The following FHIT variants were observed in gnomAD, a reference collection of about 807,000 sequenced individuals.
The protein encoded by FHIT is fragile histidine triad diadenosine triphosphatase.
In FHIT, 19 loss-of-function variants were observed where a neutral mutation model predicts 17.9. The ratio of observed to expected loss-of-function variants is 1.06; its 90% confidence interval spans 0.74 to 1.56. FHIT has a LOEUF of 1.56. FHIT is among the 40% of genes most tolerant of loss of function. The pLI is 0.00. For synonymous variants in FHIT, 81 were observed against 69.7 expected (o/e 1.16, Z -0.81); for missense variants, 248 against 189.2 (o/e 1.31, Z -1.82).
intron 3 of FHIT, among the ~76,000 whole-genome samples, chr3:61,026,206 T>C (rs913384937): frequency 6.6e-6 from 1 of 151,952 alleles, no homozygotes; most frequent in African/African-American, 2.4e-5. Context: ...AGAGGAGAAA[T>C]ATGGTAAAGG....
At chr3:61,149,899 T>G (rs1012833591) in intron 2 of FHIT, among the ~76,000 whole-genome samples, 2 of 152,062 alleles carry the variant, frequency 1.3e-5, no homozygotes, top group African/African-American at 4.8e-5. Context: ...AATGCTAAAC[T>G]GGACAAGATG....
intron 3 of FHIT, among the ~76,000 whole-genome samples, chr3:60,862,613 G>T (rs1356517176): frequency 6.6e-6 from 1 of 152,172 alleles, no homozygotes; most frequent in Admixed American, 6.5e-5. Context: ...ACTTTGGGAG[G>T]CTGAGGCAGG....
intron 2 of FHIT, among the ~76,000 whole-genome samples, chr3:61,144,812 A>G (rs1202200027): frequency 6.6e-6 from 1 of 152,200 alleles, no homozygotes; most frequent in Non-Finnish European, 1.5e-5. Flanking sequence ...GATACTAAGC[A>G]TCTCTTCGTG....
intron 8 of FHIT, among the ~76,000 whole-genome samples, chr3:59,780,461 G>A (rs1702529874): frequency 6.6e-6 from 1 of 152,194 alleles, no homozygotes; most frequent in South Asian, 2.1e-4. Flanking sequence ...AGAGCACACT[G>A]GCTCTACCTT....
At chr3:59,996,545 A>G (rs986560756) in intron 7 of FHIT, among the ~76,000 whole-genome samples, 1 of 152,082 alleles carries the variant, frequency 6.6e-6, no homozygotes, top group Non-Finnish European at 1.5e-5. Flanking sequence ...GAAAGATTCT[A>G]TGGTCCTCCC....
At chr3:60,225,129 C>T (rs910332866) in intron 5 of FHIT, among the ~76,000 whole-genome samples, 2 of 152,126 alleles carry the variant, frequency 1.3e-5, no homozygotes, top group Non-Finnish European at 1.5e-5. Context: ...ATTTTGTGTT[C>T]GTCTCTCTTA....
intron 1 of FHIT, among the ~76,000 whole-genome samples, chr3:61,203,179 C>CA (rs397876939): frequency 0.49 from 42,077 of 86,150 alleles, 11,884 homozygotes; most frequent in Middle Eastern, 0.64. Context: ...GACTCCGTCT[C>CA]AAAAAAAAAA....
At chr3:60,469,229 C>A (rs959952126) in intron 5 of FHIT, among the ~76,000 whole-genome samples, 5 of 152,024 alleles carry the variant, frequency 3.3e-5, no homozygotes, top group African/African-American at 1.2e-4. Flanking sequence ...TTCTGTTATC[C>A]CTTTGAATTA....
At chr3:60,817,990 G>T (rs1392395348) in intron 4 of FHIT, among the ~76,000 whole-genome samples, 2 of 151,776 alleles carry the variant, frequency 1.3e-5, no homozygotes, top group African/African-American at 4.8e-5. Flanking sequence ...AATTTCTATG[G>T]ATCTATCTTT....
chr3:60,772,605 A>T (rs900898921), intron 4 of FHIT, among the ~76,000 whole-genome samples: 5 of 152,016 alleles, frequency 3.3e-5, no homozygotes, highest in Non-Finnish European at 5.9e-5. Flanking sequence ...AATGATAATA[A>T]CCCTTCCCCC....
At chr3:60,293,195 G>A (rs929703188) in intron 5 of FHIT, among the ~76,000 whole-genome samples, 4 of 152,080 alleles carry the variant, frequency 2.6e-5, no homozygotes, top group African/African-American at 7.2e-5. Flanking sequence ...AAGAAGAGGA[G>A]CCTAAATATG....
chr3:60,502,182 C>T (rs181289072), intron 5 of FHIT, among the ~76,000 whole-genome samples: 5 of 152,128 alleles, frequency 3.3e-5, no homozygotes, highest in Non-Finnish European at 7.3e-5. Flanking sequence ...CAGTTAAGAC[C>T]TAAGATCTTA....
chr3:59,874,659 C>T (rs1703072214), intron 8 of FHIT, among the ~76,000 whole-genome samples: 1 of 131,904 alleles, frequency 7.6e-6, no homozygotes. Context: ...CGGCTGCTTG[C>T]TTAGGTTTTG....
intron 8 of FHIT, among the ~76,000 whole-genome samples, chr3:59,814,129 C>G (rs898150539): frequency 2.6e-5 from 4 of 151,792 alleles, no homozygotes; most frequent in African/African-American, 9.7e-5. Flanking sequence ...GCAAATTAAA[C>G]AAGGAGGATT....
intron 4 of FHIT, among the ~76,000 whole-genome samples, chr3:60,540,671 A>T (rs1322430705): frequency 2.0e-5 from 3 of 152,024 alleles, no homozygotes; most frequent in Admixed American, 2.0e-4. Flanking sequence ...TTTTTTCCTT[A>T]TTTTATATAG....
intron 5 of FHIT, among the ~76,000 whole-genome samples, chr3:60,407,401 C>G (rs1701906528): frequency 6.6e-6 from 1 of 152,056 alleles, no homozygotes; most frequent in East Asian, 1.9e-4. Context: ...TTTTAATCCC[C>G]TGAGATTTAT....
At position 60,886,986 on chromosome 3, in the gene FHIT, C is replaced by T. The variant is rs538820898; in HGVS notation, c.-110-64975G>A. Among the ~76,000 whole-genome samples the T allele has an allele frequency of 2.6e-5, 4 of 152,304 alleles. No homozygotes were observed. The South Asian group carries it at 8.3e-4, about 32-fold the overall frequency. On this transcript the variant is annotated intron_variant, in intron 3 of 9. Coordinates refer to ENST00000492590, the MANE Select transcript of FHIT (RefSeq NM_002012.4). ...ATTAGATCTATAATCTCACAGCAAA[C>T]TTCATTTGACTATATTTGCAAATGT...
chr3:60,812,881 G>T (rs1226067701), intron 4 of FHIT, among the ~76,000 whole-genome samples: 2 of 152,108 alleles, frequency 1.3e-5, no homozygotes, highest in African/African-American at 4.8e-5. Context: ...AACATAGTAT[G>T]AACCTCTTAG....
intron 4 of FHIT, among the ~76,000 whole-genome samples, chr3:60,776,762 G>A (rs1373674164): frequency 2.0e-5 from 3 of 152,222 alleles, no homozygotes; most frequent in Admixed American, 2.0e-4. Flanking sequence ...CAAGGTGTAT[G>A]AGAACAGTAA....
Sources: allele counts gnomAD v4.1 joint callset (sites outside exome capture counted in the v4.1 genomes callset), GRCh38; gene constraint gnomAD v4.1.1; transcripts MANE v1.5; gene names NCBI Gene and HGNC (gene_info 2026-07-23, HGNC 2026-07-21).